CD2AP: variants seen among roughly 807,000 people sequenced by gnomAD.
CD2AP encodes CD2 associated protein.
Under a neutral mutation model 85.1 loss-of-function variants are expected in CD2AP, and 46 were observed. That is an observed-to-expected ratio of 0.54 (90% CI 0.43 to 0.69). The LOEUF (loss-of-function observed/expected upper bound fraction) is 0.69. Ranked by LOEUF, CD2AP falls within the 30% of genes least tolerant of loss-of-function variation. The pLI is 0.00. For synonymous variants in CD2AP, 255 were observed against 252.9 expected, an observed-to-expected ratio of 1.01 and a Z score of -0.08; for missense variants, 769 against 729.5, an observed-to-expected ratio of 1.05 and a Z score of -0.62.
At position 47,590,302 on chromosome 6, in the gene CD2AP, G is replaced by A. The variant is rs553971280; in HGVS notation, c.1109-5559G>A. 2.6e-5 allele frequency among the ~76,000 whole-genome samples: 4 copies of A among 152,032 alleles called. No homozygotes were observed. In the East Asian group the frequency reaches 7.7e-4, roughly 29 times the overall value. ...TGTAAGTATATATGAATATGAGTCA[G>A]TCTAAGCTTAAATGAATTTGTTTAC... On this transcript the variant is annotated intron_variant, in intron 11 of 17. Transcript: ENST00000359314.
chr6:47,506,634 C>G (rs1766173827), intron 2 of CD2AP, among the ~76,000 whole-genome samples: 1 of 128,402 alleles, frequency 7.8e-6, no homozygotes, highest in African/African-American at 2.9e-5. Flanking sequence ...ACCCCGTCTC[C>G]ACCAAAACCA....
intron 2 of CD2AP, among the ~76,000 whole-genome samples, chr6:47,511,884 G>A (rs1345021701): frequency 1.1e-5 from 1 of 94,302 alleles, no homozygotes; most frequent in Non-Finnish European, 2.7e-5. Context: ...AAAATTGGCC[G>A]GGGGTGGCTC....
At chr6:47,580,511 C>T (rs550835290) in intron 9 of CD2AP, among the ~76,000 whole-genome samples, 102 of 152,110 alleles carry the variant, frequency 6.7e-4, no homozygotes, top group African/African-American at 2.3e-3. Context: ...TCTTCCTCTC[C>T]CCACAACCCC....
At chr6:47,600,068 A>G (rs1018856284) in intron 13 of CD2AP, among the ~76,000 whole-genome samples, 5 of 151,736 alleles carry the variant, frequency 3.3e-5, no homozygotes, top group African/African-American at 1.2e-4. Flanking sequence ...TTGTGCCTTC[A>G]TTACTTTCTG....
At chr6:47,502,194 G>A (rs1270941294) in intron 1 of CD2AP, among the ~76,000 whole-genome samples, 1 of 152,224 alleles carries the variant, frequency 6.6e-6, no homozygotes. Flanking sequence ...CCTCTCTATA[G>A]GTTGGCTTAC....
chr6:47,482,800 C>G (rs559582510), intron 1 of CD2AP, among the ~76,000 whole-genome samples: 2 of 152,142 alleles, frequency 1.3e-5, no homozygotes, highest in South Asian at 4.2e-4. Context: ...ATTCATAATT[C>G]AGATCTGTCA....
intron 3 of CD2AP, among the ~76,000 whole-genome samples, chr6:47,534,726 A>C (rs534830238): frequency 6.6e-6 from 1 of 152,206 alleles, no homozygotes; most frequent in Non-Finnish European, 1.5e-5. Flanking sequence ...AACGTGTACA[A>C]AGAATTACGG....
At chr6:47,566,702 A>G (rs1768012734) in intron 5 of CD2AP, among the ~76,000 whole-genome samples, 1 of 152,096 alleles carries the variant, frequency 6.6e-6, no homozygotes, top group South Asian at 2.1e-4. Context: ...CTAATGAGTG[A>G]GAACATGCAG....
At chr6:47,486,844 A>C (rs752209285) in intron 1 of CD2AP, among the ~76,000 whole-genome samples, 1 of 152,232 alleles carries the variant, frequency 6.6e-6, no homozygotes, top group African/African-American at 2.4e-5. Flanking sequence ...GTAAATGTAG[A>C]AGCTCATATA....
chr6:47,565,079 T>C (rs1163934297), intron 5 of CD2AP, among the ~76,000 whole-genome samples: 2 of 152,130 alleles, frequency 1.3e-5, no homozygotes, highest in African/African-American at 4.8e-5. Context: ...CTTAATAATA[T>C]ATGGACAATG....
rs1582527516 is a variant in CD2AP at position 47,535,486 on chromosome 6, T to C, written c.319+1731T>C. 2.0e-5 allele frequency among the ~76,000 whole-genome samples: 3 copies of C among 152,184 alleles called. No individual in the cohort carries two copies. In the East Asian group the frequency reaches 5.8e-4, roughly 29 times the overall value. On this transcript the variant is annotated intron_variant, in intron 3 of 17. Coordinates refer to ENST00000359314, the MANE Select transcript of CD2AP (RefSeq NM_012120.3). ...CTGTCAAGTTTGGGGAAACCTCTAC[T>C]TTTGGATTACATCATCCTTTGATTA...
At chr6:47,550,203 T>C (rs1317374509) in intron 4 of CD2AP, among the ~76,000 whole-genome samples, 1 of 151,922 alleles carries the variant, frequency 6.6e-6, no homozygotes, top group Non-Finnish European at 1.5e-5. Context: ...AACAGATAAA[T>C]AGCTATGACC....
chr6:47,489,923 CTG>C (rs1765681355), intron 1 of CD2AP, among the ~76,000 whole-genome samples: 1 of 150,176 alleles, frequency 6.7e-6, no homozygotes, highest in African/African-American at 2.5e-5. Context: ...CTTCTAAAAA[CTG>C]TGGATTGGTA....
At chr6:47,516,489 A>G (rs1766457060) in intron 2 of CD2AP, among the ~76,000 whole-genome samples, 1 of 152,240 alleles carries the variant, frequency 6.6e-6, no homozygotes, top group African/African-American at 2.4e-5. Flanking sequence ...CAGTAGAACT[A>G]GAGCATTAGT....
At chr6:47,599,475 A>C in intron 13 of CD2AP, 32 bp downstream of exon 13, 1 of 977,288 alleles carries the variant, frequency 1.0e-6, no homozygotes, top group Non-Finnish European at 1.4e-6. Context: ...TGGTGCATTT[A>C]AAAAAAAAAA....
Position 47,627,124 on chromosome 6 carries a change from G to A in CD2AP, c.*2897G>A, listed in dbSNP as rs1454538385. 2 of 152,274 alleles carry A rather than the reference G, an allele frequency of 1.3e-5. No individual in the cohort carries two copies. Among genetic ancestry groups the A allele is most frequent in the East Asian group, 1.9e-4 (1 of 5,200 alleles). 9.4% of individuals were successfully genotyped at this position (152,274 alleles called of 1,614,324 possible). A position where few individuals can be genotyped will look rare whatever the true frequency, so the allele number is the denominator to read the frequency against. Reference sequence around the variant, plus strand: ...TTCTCTCTCAAAAAGAAAAATTAAAGGATTTTATTGCCAGTCGTGTCAGTC... The same window carrying A: ...TTCTCTCTCAAAAAGAAAAATTAAAAGATTTTATTGCCAGTCGTGTCAGTC... On this transcript the variant is annotated 3_prime_UTR_variant, in exon 18 of 18. Coordinates refer to ENST00000359314, the MANE Select transcript of CD2AP (RefSeq NM_012120.3).
chr6:47,505,538 G>A (rs76426539), intron 2 of CD2AP, among the ~76,000 whole-genome samples: 36,179 of 146,902 alleles, frequency 0.25, 4,561 homozygotes, highest in East Asian at 0.57. Flanking sequence ...TCAATGAGCC[G>A]TTGGGCACAC....
At chr6:47,525,849 A>C (rs530230860) in intron 2 of CD2AP, among the ~76,000 whole-genome samples, 1 of 152,144 alleles carries the variant, frequency 6.6e-6, no homozygotes, top group South Asian at 2.1e-4. Flanking sequence ...TTTCTTGGCA[A>C]GTTTTGTATT....
intron 2 of CD2AP, among the ~76,000 whole-genome samples, chr6:47,507,396 C>T (rs575822969): frequency 1.1e-4 from 17 of 152,076 alleles, no homozygotes; most frequent in Admixed American, 2.6e-4. Context: ...GAAACCTTTC[C>T]GGGAGGTTTT....
Sources: gnomAD v4.1 joint callset for allele counts (sites outside exome capture counted in the v4.1 genomes callset) on GRCh38, gnomAD v4.1.1 for gene constraint, MANE v1.5 for transcripts, NCBI Gene and HGNC (gene_info 2026-07-23, HGNC 2026-07-21) for gene names.